Variants in CFTR observed in about 807,000 individuals in gnomAD.
CFTR encodes CF transmembrane conductance regulator.
Under a neutral mutation model 171.6 loss-of-function variants are expected in CFTR, and 181 were observed. The ratio of observed to expected loss-of-function variants is 1.05; its 90% CI spans 0.93 to 1.19. CFTR has a LOEUF of 1.19. Ranked by LOEUF, CFTR falls within the 50% of genes most tolerant of loss-of-function variation. The pLI is 0.00. For synonymous variants in CFTR, 583 were observed against 608.0 expected (o/e 0.96, Z 0.60); for missense variants, 1,968 against 1,734.7 (o/e 1.13, Z -2.39).
At chr7:117,575,548 C>G (rs1039465709) in intron 11 of CFTR, among the ~76,000 whole-genome samples, 1 of 152,060 alleles carries the variant, frequency 6.6e-6, no homozygotes, top group Non-Finnish European at 1.5e-5. Context: ...ATTTCTTGCA[C>G]GTGAATGAAT....
intron 11 of CFTR, among the ~76,000 whole-genome samples, chr7:117,566,031 C>T (rs1791596295): frequency 6.6e-6 from 1 of 152,014 alleles, no homozygotes; most frequent in Admixed American, 6.6e-5. Context: ...ATGGTCAATC[C>T]ACCACTGTAG....
At chr7:117,535,809 C>T (rs1798944687) in intron 6 of CFTR, among the ~76,000 whole-genome samples, 1 of 152,134 alleles carries the variant, frequency 6.6e-6, no homozygotes, top group Non-Finnish European at 1.5e-5. Context: ...ACTGATATTA[C>T]AGGCATGAGC....
chr7:117,569,447 A>G (rs1482057905), intron 11 of CFTR, among the ~76,000 whole-genome samples: 1 of 152,194 alleles, frequency 6.6e-6, no homozygotes, highest in Non-Finnish European at 1.5e-5. Context: ...TAATAAAGAG[A>G]TGATAACCCG....
At chr7:117,611,844 A>G in intron 20 of CFTR, 36 bp downstream of exon 20, 1 of 1,484,960 alleles carries the variant, frequency 6.7e-7, no homozygotes, top group Non-Finnish European at 9.4e-7. Flanking sequence ...TAAGCATTTA[A>G]GTAAAAAATT....
chr7:117,592,716 A>G, intron 14 of CFTR, 59 bp downstream of exon 14: 1 of 1,379,868 alleles, frequency 7.2e-7, no homozygotes, highest in Non-Finnish European at 9.5e-7. Flanking sequence ...GTAGAATGCA[A>G]TATGTAGCAT....
At chr7:117,553,675 A>G (rs911066783) in intron 10 of CFTR, among the ~76,000 whole-genome samples, 42 of 152,176 alleles carry the variant, frequency 2.8e-4, no homozygotes, top group Admixed American at 2.7e-3. Context: ...TATCATTTCA[A>G]CTTATACACA....
Position 117,542,054 on chromosome 7 carries a change from T to C in CFTR, c.1155T>C (p.Tyr385=). 2 of 1,599,936 alleles carry C rather than the reference T, an allele frequency of 1.3e-6. No homozygotes were observed. Among genetic ancestry groups the C allele is most frequent in the Non-Finnish European group, 1.7e-6 (2 of 1,167,242 alleles). The change falls in exon 9 of 27, where the codon TAT becomes TAC. Residue 385 remains tyrosine, a synonymous_variant. Coordinates refer to ENST00000003084, the MANE Select transcript of CFTR (RefSeq NM_000492.4). ...AGCAAGAATATAAGACATTGGAATA[T>C]AACTTAACGACTACAGAAGTAGTGA... The part of the protein sequence containing the change: ...LQKQEYKTLE[Y]NLTTTEVVME...
At chr7:117,638,937 T>C (rs546033332) in intron 22 of CFTR, among the ~76,000 whole-genome samples, 9 of 152,192 alleles carry the variant, frequency 5.9e-5, no homozygotes, top group African/African-American at 2.2e-4. Flanking sequence ...TCAAATTTAG[T>C]ATACTAGTAA....
At chr7:117,541,391 A>T (rs1799050110) in intron 8 of CFTR, among the ~76,000 whole-genome samples, 1 of 152,216 alleles carries the variant, frequency 6.6e-6, no homozygotes, top group Non-Finnish European at 1.5e-5. Context: ...AGCAGAGAAG[A>T]AAATGAAGAA....
Position 117,536,601 on chromosome 7 carries a change from T to C in CFTR, c.797T>C (p.Ile266Thr). 1.2e-6 allele frequency: 2 copies of C among 1,609,752 alleles called. No individual in the cohort carries two copies. Among genetic ancestry groups the C allele is most frequent in the East Asian group, 2.2e-5 (1 of 44,764 alleles). ...AGACTTGTGATTACCTCAGAAATGA[T>C]TGAAAATATCCAATCTGTTAAGGCA... ...SERLVITSEM[I>T]ENIQSVKAYC... Residue 266 changes from isoleucine to threonine, a missense_variant, in exon 7 of 27, where the codon ATT becomes ACT. By Grantham distance (89) the Ile-to-Thr change is moderately conservative (BLOSUM62 -1). Transcript: ENST00000003084.
At chr7:117,497,354 G>A (rs1385672991) in intron 1 of CFTR, among the ~76,000 whole-genome samples, 2 of 152,128 alleles carry the variant, frequency 1.3e-5, no homozygotes, top group Admixed American at 1.3e-4. Context: ...ATAAATTCTG[G>A]TGCTTTGAAA....
intron 11 of CFTR, among the ~76,000 whole-genome samples, chr7:117,571,842 TTAAG>T (rs1363367743): frequency 2.6e-5 from 4 of 152,106 alleles, no homozygotes; most frequent in African/African-American, 9.7e-5. Flanking sequence ...AAACTGAATA[TTAAG>T]TGTTTGATAT....
At chr7:117,556,175 CT>C in intron 10 of CFTR, among the ~76,000 whole-genome samples, 1 of 152,220 alleles carries the variant, frequency 6.6e-6, no homozygotes, top group Non-Finnish European at 1.5e-5. Flanking sequence ...AGCAATTCTC[CT>C]GCCTCACCCT....
intron 26 of CFTR, among the ~76,000 whole-genome samples, chr7:117,666,672 C>T (rs1244871551): frequency 6.6e-6 from 1 of 152,192 alleles, no homozygotes; most frequent in African/African-American, 2.4e-5. Context: ...CTAAACCTCC[C>T]TGAAGAATCT....
chr7:117,664,843 T>G lies in CFTR; in HGVS notation c.4119T>G (p.Ser1373Arg). The G allele has an allele frequency of 6.2e-7, 1 of 1,613,964 alleles. No homozygotes were observed. Among genetic ancestry groups the G allele is most frequent in the Non-Finnish European group, 8.5e-7 (1 of 1,179,872 alleles). The change falls in exon 25 of 27, where the codon AGT (serine) becomes AGG (arginine). Residue 1373 changes from serine (S) to arginine (R), a missense_variant. Coordinates refer to ENST00000003084, the MANE Select transcript of CFTR (RefSeq NM_000492.4). ...AGATCTTGCTGCTTGATGAACCCAGTGCTCATTTGGATCCAGTGTGAGTTT... is the reference window on the plus strand; with the variant it reads ...AGATCTTGCTGCTTGATGAACCCAGGGCTCATTTGGATCCAGTGTGAGTTT... ...KAKILLLDEP[S>R]AHLDPVTYQI...
At chr7:117,523,169 C>G (rs139442871) in intron 3 of CFTR, among the ~76,000 whole-genome samples, 1 of 152,214 alleles carries the variant, frequency 6.6e-6, no homozygotes, top group Non-Finnish European at 1.5e-5. Flanking sequence ...TGACAACAAA[C>G]TCAGTAATGA....
rs765542886 is a variant in CFTR, at chr7:117,535,241, T to G, written c.580-7T>G. Reference sequence around the variant, plus strand: ...ACACCTGTTTTTGCTGTGCTTTTATTTTCCAGGGACTTGCATTGGCACATT... The same window carrying G: ...ACACCTGTTTTTGCTGTGCTTTTATGTTCCAGGGACTTGCATTGGCACATT... On this transcript the variant is annotated splice_polypyrimidine_tract_variant and splice_region_variant and intron_variant, in intron 5 of 26. Coordinates refer to ENST00000003084, the MANE Select transcript of CFTR (RefSeq NM_000492.4). The G allele has an allele frequency of 1.2e-6, 2 of 1,614,118 alleles. No individual in the cohort carries two copies. The highest frequency in any genetic ancestry group is 1.7e-6 in the Non-Finnish European group (2 of 1,179,992).
At chr7:117,488,293 A>C (rs189226909) in intron 1 of CFTR, among the ~76,000 whole-genome samples, 1 of 152,130 alleles carries the variant, frequency 6.6e-6, no homozygotes, top group Non-Finnish European at 1.5e-5. Flanking sequence ...ATATGCTTTA[A>C]AAGATACAGT....
intron 14 of CFTR, among the ~76,000 whole-genome samples, chr7:117,593,885 C>T (rs1372288136): frequency 6.6e-6 from 1 of 152,114 alleles, no homozygotes; most frequent in African/African-American, 2.4e-5. Flanking sequence ...TGTGCCACCA[C>T]GTCCAGCCTG....
Sources: gnomAD v4.1 joint callset for allele counts (sites outside exome capture counted in the v4.1 genomes callset) on GRCh38, gnomAD v4.1.1 for gene constraint, MANE v1.5 for transcripts, NCBI Gene and HGNC (gene_info 2026-07-23, HGNC 2026-07-21) for gene names.